RSPRY1: variants seen among roughly 807,000 people sequenced by gnomAD.
RSPRY1 encodes the protein ring finger and SPRY domain containing 1, also known as RING finger and SPRY domain-containing protein 1.
A neutral mutation model predicts 73.1 loss-of-function variants in RSPRY1; 23 were observed. The ratio of observed to expected loss-of-function variants is 0.31; its 90% CI spans 0.23 to 0.45. The LOEUF is 0.45. Ranked by LOEUF, RSPRY1 falls within the 20% of genes least tolerant of loss-of-function variation. The probability of loss-of-function intolerance (pLI) is 1.00; values close to 1 mark genes in which losing one functional copy is unlikely to be tolerated. For missense variants in RSPRY1, 448 were observed against 698.7 expected, an observed-to-expected ratio of 0.64 and a Z score of 4.05; for synonymous variants, 226 against 251.4, an observed-to-expected ratio of 0.90 and a Z score of 0.95.
chr16:57,218,926 C>T (rs1250575299), intron 8 of RSPRY1, among the ~76,000 whole-genome samples: 1 of 142,134 alleles, frequency 7.0e-6, no homozygotes, highest in Non-Finnish European at 1.5e-5. Context: ...TTAGTAGAGA[C>T]GGGGTTTCAC....
At chr16:57,200,990 G>T (rs1446753801) in intron 1 of RSPRY1, among the ~76,000 whole-genome samples, 1 of 142,550 alleles carries the variant, frequency 7.0e-6, no homozygotes, top group Non-Finnish European at 1.6e-5. Context: ...TCCCGGACGG[G>T]CGGCTGGCCG....
intron 1 of RSPRY1, among the ~76,000 whole-genome samples, chr16:57,201,688 C>A (rs547082583): frequency 6.6e-6 from 1 of 152,220 alleles, no homozygotes; most frequent in Non-Finnish European, 1.5e-5. Flanking sequence ...TGAGTGAACG[C>A]GACTCCGTCT....
chr16:57,198,904 T>TA (rs1242707312), intron 1 of RSPRY1, among the ~76,000 whole-genome samples: 1 of 152,198 alleles, frequency 6.6e-6, no homozygotes. Context: ...CTAGGACCCT[T>TA]ACCACTGTGA....
At chr16:57,195,831 G>A (rs2074432274) in intron 1 of RSPRY1, among the ~76,000 whole-genome samples, 1 of 151,620 alleles carries the variant, frequency 6.6e-6, no homozygotes, top group South Asian at 2.1e-4. Context: ...GACCAGCCTG[G>A]CCAACATATT....
chr16:57,231,392 C>T (rs1259444263), intron 13 of RSPRY1, 73 bp downstream of exon 13: 45 of 1,396,516 alleles, frequency 3.2e-5, no homozygotes, highest in South Asian at 4.0e-5. Context: ...TTATAATCAA[C>T]GTTAAAAGAA....
chr16:57,203,110 A>G (rs1191745444), intron 1 of RSPRY1, among the ~76,000 whole-genome samples: 1 of 151,948 alleles, frequency 6.6e-6, no homozygotes, highest in African/African-American at 2.4e-5. Context: ...GTTTGTGGCC[A>G]ACATGGTGAA....
In RSPRY1 at chr16:57,213,038, C is replaced by T; in HGVS notation, c.583C>T (p.His195Tyr). The T allele has an allele frequency of 6.2e-7, 1 of 1,614,066 alleles. No homozygotes were observed. Among genetic ancestry groups the T allele is most frequent in the Non-Finnish European group, 8.5e-7 (1 of 1,179,950 alleles). ...AGAAGTAGCTTGCCAGGACTCAAGC[C>T]ATCCTGCCAAACACAGGAACACATC... ...NGEVACQDSSHPAKHRNTSAV... is the reference protein window; with the variant it reads ...NGEVACQDSSYPAKHRNTSAV... The change falls in exon 5 of 15, where the codon CAT becomes TAT. Residue 195 changes from histidine to tyrosine, a missense_variant. Coordinates refer to ENST00000394420, the MANE Select transcript of RSPRY1 (RefSeq NM_133368.3).
chr16:57,227,030 T>A (rs1467727594), intron 10 of RSPRY1, among the ~76,000 whole-genome samples: 2 of 152,166 alleles, frequency 1.3e-5, no homozygotes, highest in Non-Finnish European at 2.9e-5. Flanking sequence ...GAGCCTTTGT[T>A]TCCTCTTAAA....
intron 1 of RSPRY1, among the ~76,000 whole-genome samples, chr16:57,200,866 G>T: frequency 7.0e-6 from 1 of 143,468 alleles, no homozygotes; most frequent in Admixed American, 6.8e-5. Flanking sequence ...CGGGGCGGCT[G>T]GCCGGGCAGA....
intron 4 of RSPRY1, among the ~76,000 whole-genome samples, chr16:57,212,311 A>G (rs2074858904): frequency 6.6e-6 from 1 of 152,204 alleles, no homozygotes; most frequent in South Asian, 2.1e-4. Context: ...AGCAAAAAGA[A>G]AAGAAGAAAA....
At chr16:57,215,961 TA>T in intron 6 of RSPRY1, 145 bp from the exon 7 acceptor site, 1 of 627,616 alleles carries the variant, frequency 1.6e-6, no homozygotes, top group Non-Finnish European at 2.8e-6. Flanking sequence ...GCCAAATGGA[TA>T]ATTGAGAACT....
chr16:57,188,244 A>C (rs913109262), intron 1 of RSPRY1, among the ~76,000 whole-genome samples: 3 of 152,146 alleles, frequency 2.0e-5, no homozygotes, highest in Non-Finnish European at 4.4e-5. Flanking sequence ...AGATCCCTCT[A>C]TGAGATTGTA....
chr16:57,193,357 CT>C (rs1164565382), intron 1 of RSPRY1, among the ~76,000 whole-genome samples: 34 of 152,124 alleles, frequency 2.2e-4, no homozygotes, highest in African/African-American at 7.7e-4. Context: ...GTTGAAACAT[CT>C]TTAGGTAGTT....
At chr16:57,205,597 TA>T (rs2074709876) in intron 2 of RSPRY1, among the ~76,000 whole-genome samples, 1 of 152,222 alleles carries the variant, frequency 6.6e-6, no homozygotes, top group South Asian at 2.1e-4. Context: ...TACAAAATCA[TA>T]GATTGAATAA....
chr16:57,216,183 G>A lies in RSPRY1; in HGVS notation c.769+10G>A, dbSNP rs2074937361. ...AAGTTTGCACAGACAAGTAGGTATA[G>A]TGACTTCTTGCACTAATGATCTTCT... On this transcript the variant is annotated intron_variant, in intron 7 of 14. Transcript: ENST00000394420. 6.3e-7 allele frequency: 1 copy of A among 1,591,578 alleles called. No homozygotes were observed. Among genetic ancestry groups the A allele is most frequent in the African/African-American group, 1.3e-5 (1 of 74,236 alleles).
In RSPRY1 at chr16:57,227,523, C is replaced by T. The variant is rs1191094368; in HGVS notation, c.1273+70C>T. 3.8e-6 allele frequency: 4 copies of T among 1,063,140 alleles called. No homozygotes were observed. The African/African-American group carries it at 4.7e-5, about 12-fold the overall frequency. 65.9% of individuals were successfully genotyped at this position (1,063,140 alleles called of 1,614,324 possible). ...TCTGGTTATTATGAGGCATTTATTA[C>T]ATTAAGCCTTAAAATGTCTTAGGAG... On this transcript the variant is annotated intron_variant, in intron 11 of 14. Transcript: ENST00000394420.
intron 3 of RSPRY1, 32 bp downstream of exon 3, chr16:57,208,142 A>G (rs772968595): frequency 7.7e-7 from 1 of 1,305,450 alleles, no homozygotes; most frequent in Non-Finnish European, 1.1e-6. Flanking sequence ...TTACTTTATA[A>G]TGAATATATA....
At chr16:57,196,906 G>T (rs1283686422) in intron 1 of RSPRY1, among the ~76,000 whole-genome samples, 1 of 152,144 alleles carries the variant, frequency 6.6e-6, no homozygotes, top group East Asian at 1.9e-4. Flanking sequence ...CCCCACAGTG[G>T]TACTGTGAGA....
chr16:57,218,244 C>T (rs755653113), intron 8 of RSPRY1, among the ~76,000 whole-genome samples: 1 of 152,126 alleles, frequency 6.6e-6, no homozygotes, highest in South Asian at 2.1e-4. Context: ...TGAGTAATTA[C>T]CACATCAGAG....
Sources: allele counts gnomAD v4.1 joint callset (sites outside exome capture counted in the v4.1 genomes callset), GRCh38; gene constraint gnomAD v4.1.1; transcripts MANE v1.5; gene names NCBI Gene and HGNC (gene_info 2026-07-23, HGNC 2026-07-21).